The following KLC3 variants were observed in gnomAD, a reference collection of about 807,000 sequenced individuals.
The protein encoded by KLC3 is kinesin light chain 3.
KLC3 carries 72 observed loss-of-function variants against 62.9 expected under a neutral mutation model. That is an observed-to-expected ratio of 1.15 (90% CI 0.95 to 1.39). The LOEUF is 1.39. Among genes scored for constraint, KLC3 ranks in the 40% most tolerant of loss-of-function variants. KLC3 has a pLI of 0.00. For missense variants in KLC3, 848 were observed against 691.6 expected (o/e 1.23, Z -2.54); for synonymous variants, 377 against 300.5 (o/e 1.25, Z -2.63).
chr19:45,349,751 G>A (rs1971624985), intron 8 of KLC3, 149 bp downstream of exon 8: 1 of 728,896 alleles, frequency 1.4e-6, no homozygotes, highest in Non-Finnish European at 2.2e-6. Flanking sequence ...ACAGGAGCTG[G>A]CTCAGCACAG....
chr19:45,349,892 T>G, intron 8 of KLC3: 1 of 464,304 alleles, frequency 2.2e-6, no homozygotes, highest in Non-Finnish European at 3.8e-6. Context: ...CTTAGCCCGG[T>G]CCCCACATCG....
chr19:45,345,714 C>T lies in KLC3; in HGVS notation c.173C>T (p.Ala58Val). The change falls in exon 2 of 13, where the codon GCA (alanine) becomes GTA (valine). Residue 58 changes from alanine (A) to valine (V), a missense_variant. By Grantham distance (64) the Ala-to-Val change is moderately conservative. Transcript: ENST00000391946. ...LAEALAGQGP[A>V]AGLEMLEEKQ... ...GAGGCCCTGGCGGGACAGGGCCCGG[C>T]AGCCGGCTTGGAGATGCTGGAGGAA... is the stretch of plus-strand genomic sequence containing the variant. 1 of 1,564,622 alleles carries T rather than the reference C, an allele frequency of 6.4e-7. No individual in the cohort carries two copies. The highest frequency in any genetic ancestry group is 8.7e-7 in the Non-Finnish European group (1 of 1,155,630).
chr19:45,348,215 T>C (rs1971555737), intron 5 of KLC3, 55 bp downstream of exon 5: 3 of 1,469,844 alleles, frequency 2.0e-6, no homozygotes, highest in African/African-American at 1.4e-5. Context: ...ACCCATTGGG[T>C]GCAAGTGGAA....
At chr19:45,349,782 G>GT (rs1314850880) in intron 8 of KLC3, 180 bp downstream of exon 8, 10 of 600,454 alleles carry the variant, frequency 1.7e-5, no homozygotes, top group East Asian at 6.0e-5. Flanking sequence ...CAGGAAACGC[G>GT]TAAGTCCACG....
In KLC3 at chr19:45,347,610, T is replaced by TG. The variant is rs1415873228; in HGVS notation, c.559+98dup. 44 of 1,205,614 alleles carry TG rather than the reference T, an allele frequency of 3.6e-5. No homozygotes were observed. In the South Asian group the frequency reaches 5.9e-4, roughly 16 times the overall value. The allele number at this position is 1,205,614 out of a possible 1,614,324, so 74.7% of individuals were successfully genotyped here. On this transcript the variant is annotated intron_variant, in intron 4 of 12. Coordinates refer to ENST00000391946, the MANE Select transcript of KLC3 (RefSeq NM_177417.3). Reference sequence around the variant, plus strand: ...ACCCCAAAATCTCTGAGCCAGGGGATGGGGAGGTGAGGGCAGGGTGAGGAG... The same window carrying TG: ...ACCCCAAAATCTCTGAGCCAGGGGATGGGGGAGGTGAGGGCAGGGTGAGGAG...
intron 1 of KLC3, among the ~76,000 whole-genome samples, chr19:45,344,177 G>GTGT: frequency 6.8e-6 from 1 of 147,870 alleles, no homozygotes; most frequent in Admixed American, 6.8e-5. Flanking sequence ...GTGTGTGTGT[G>GTGT]TAACTGTATT....
At chr19:45,345,867 G>A in intron 2 of KLC3, 68 bp downstream of exon 2, 5 of 1,460,300 alleles carry the variant, frequency 3.4e-6, no homozygotes, top group Admixed American at 2.3e-5. Context: ...CAGGCATGAG[G>A]GGGACAGGTA....
Position 45,347,925 on chromosome 19 carries a change from A to ACCCCCCCCCCCCCC in KLC3, c.560-12_560-11insCCCCCCCCCCCCCC. On this transcript the variant is annotated splice_polypyrimidine_tract_variant and intron_variant, in intron 4 of 12. Transcript: ENST00000391946. ...GGAGGCTTGCAGTGACCCAGAGCCC[A>ACCCCCCCCCCCCCC]CCCCACCCCACCTAGGTCCTGAGGC... 6.3e-7 allele frequency: 1 copy of ACCCCCCCCCCCCCC among 1,581,556 alleles called. No individual in the cohort carries two copies. Among genetic ancestry groups the ACCCCCCCCCCCCCC allele is most frequent in the African/African-American group, 1.4e-5 (1 of 73,950 alleles).
rs377634032 is a variant in KLC3 at position 45,351,372 on chromosome 19, C to T, written c.*15C>T. On this transcript the variant is annotated 3_prime_UTR_variant, in exon 13 of 13. Transcript: ENST00000391946. ...GCCCCCACTAACGTCCAGTGAACTG[C>T]GCTGGCCGCAGCTTCTTGGGAACAG... The T allele has an allele frequency of 1.9e-5, 30 of 1,608,756 alleles. No homozygotes were observed. Among genetic ancestry groups the T allele is most frequent in the African/African-American group, 6.7e-5 (5 of 74,898 alleles).
intron 2 of KLC3, among the ~76,000 whole-genome samples, chr19:45,346,024 G>C (rs1269038629): frequency 6.6e-6 from 1 of 152,058 alleles, no homozygotes; most frequent in Non-Finnish European, 1.5e-5. Flanking sequence ...AAAGTAGCTG[G>C]GCATGAGGGC....
intron 8 of KLC3, 103 bp downstream of exon 8, chr19:45,349,705 G>GCCCCCCCCCCCCCCCCC: frequency 5.1e-6 from 4 of 789,472 alleles, no homozygotes; most frequent in Admixed American, 6.5e-5. Context: ...GTGGGGGGGG[G>GCCCCCCCCCCCCCCCCC]CCCCCCAGGC....
chr19:45,348,225 A>G, intron 5 of KLC3, 65 bp downstream of exon 5: 1 of 1,411,484 alleles, frequency 7.1e-7, no homozygotes, highest in African/African-American at 1.4e-5. Context: ...TGCAAGTGGA[A>G]GGATCCTGGT....
chr19:45,348,239 C>T (rs943016531), intron 5 of KLC3, 79 bp downstream of exon 5: 27 of 1,293,268 alleles, frequency 2.1e-5, no homozygotes, highest in South Asian at 8.2e-5. Context: ...TCCTGGTGCC[C>T]CCTCTGTCAC....
At position 45,346,693 on chromosome 19, in the gene KLC3, C is replaced by G; in HGVS notation, c.408C>G (p.Ser136=). 2 of 1,569,234 alleles carry G rather than the reference C, an allele frequency of 1.3e-6. No homozygotes were observed. Among genetic ancestry groups the G allele is most frequent in the Non-Finnish European group, 1.7e-6 (2 of 1,159,092 alleles). The change falls in exon 3 of 13, where the codon TCC becomes TCG. Residue 136 remains serine, a synonymous_variant. Coordinates refer to ENST00000391946, the MANE Select transcript of KLC3 (RefSeq NM_177417.3). ...TQRRLRASEE[S]VAQLEEEKRH... Reference sequence around the variant, plus strand: ...GGCGGCTTCGGGCCAGCGAGGAGTCCGTGGCCCAGCTGGAGGAGGAGAAGC... The same window carrying G: ...GGCGGCTTCGGGCCAGCGAGGAGTCGGTGGCCCAGCTGGAGGAGGAGAAGC...
rs1186161377 is a variant in KLC3 at position 45,351,440 on chromosome 19, C to T, written c.*83C>T. 9 of 1,586,282 alleles carry T rather than the reference C, an allele frequency of 5.7e-6. 1 individual carries two copies. The South Asian group carries it at 1.0e-4, about 18-fold the overall frequency. Reference sequence around the variant, plus strand: ...GGTGGGGTGAGAGGGGGTCTATCATCTCCTGGCCCCCCCTTGCCTCTGGGT... The same window carrying T: ...GGTGGGGTGAGAGGGGGTCTATCATTTCCTGGCCCCCCCTTGCCTCTGGGT... On this transcript the variant is annotated 3_prime_UTR_variant, in exon 13 of 13. Transcript: ENST00000391946.
chr19:45,341,093 G>A (rs546293496), intron 1 of KLC3, among the ~76,000 whole-genome samples: 2 of 151,966 alleles, frequency 1.3e-5, no homozygotes, highest in Admixed American at 1.3e-4. Context: ...TTGTGACTGC[G>A]GGTGAGCCTG....
Position 45,350,736 on chromosome 19 carries a change from A to C in KLC3, c.1368A>C (p.Ala456=), listed in dbSNP as rs374426577. Residue 456 remains alanine (A), a synonymous_variant, in exon 11 of 13, where the codon GCA becomes GCC. Coordinates refer to ENST00000391946, the MANE Select transcript of KLC3 (RefSeq NM_177417.3). The part of the protein sequence containing the change: ...LVSRLRGEAA[A]GAAGMKRAMS... ...CCCGGCTCCGAGGCGAGGCGGCGGC[A>C]GGAGCAGCCGGGTGAGTGTTGATCA... The C allele has an allele frequency of 2.5e-6, 4 of 1,611,756 alleles. No individual in the cohort carries two copies. The highest frequency in any genetic ancestry group is 3.4e-6 in the Non-Finnish European group (4 of 1,179,226).
At chr19:45,344,628 TGA>T (rs1971452286) in intron 1 of KLC3, among the ~76,000 whole-genome samples, 1 of 152,034 alleles carries the variant, frequency 6.6e-6, no homozygotes, top group Non-Finnish European at 1.5e-5. Flanking sequence ...TGCGGGTGTG[TGA>T]GGTGTTTCTG....
chr19:45,350,817 C>CCCT, intron 11 of KLC3, 70 bp downstream of exon 11: 1 of 1,359,250 alleles, frequency 7.4e-7, no homozygotes, highest in Non-Finnish European at 1.0e-6. Context: ...ACCCCCACCC[C>CCCT]CATCTTGCTC....
Sources: allele counts gnomAD v4.1 joint callset (sites outside exome capture counted in the v4.1 genomes callset), GRCh38; gene constraint gnomAD v4.1.1; transcripts MANE v1.5; gene names NCBI Gene and HGNC (gene_info 2026-07-23, HGNC 2026-07-21).